The following MAP3K5 variants were observed in gnomAD, a reference collection of about 807,000 sequenced individuals.
MAP3K5 encodes the protein mitogen-activated protein kinase kinase kinase 5, also known as ASK-1.
In MAP3K5, 56 loss-of-function variants were observed where a neutral mutation model predicts 158.7. That is an observed-to-expected ratio of 0.35 (90% CI 0.28 to 0.44). The LOEUF (loss-of-function observed/expected upper bound fraction) is 0.44. Ranked by LOEUF, MAP3K5 falls within the 20% of genes least tolerant of loss-of-function variation. The pLI, the probability that MAP3K5 is intolerant of heterozygous loss-of-function variation, is 1.00. For missense variants in MAP3K5, 1,294 were observed against 1,674.8 expected (o/e 0.77, Z 3.97); for synonymous variants, 579 against 601.7 (o/e 0.96, Z 0.55).
At chr6:136,671,488 G>T (rs1779480857) in intron 7 of MAP3K5, among the ~76,000 whole-genome samples, 1 of 152,158 alleles carries the variant, frequency 6.6e-6, no homozygotes, top group Admixed American at 6.5e-5. Context: ...TATTACGAAA[G>T]AAATAAAATC....
chr6:136,696,905 A>G (rs1273965088), intron 5 of MAP3K5, among the ~76,000 whole-genome samples: 1 of 152,232 alleles, frequency 6.6e-6, no homozygotes, highest in African/African-American at 2.4e-5. Flanking sequence ...GCTTTCACTG[A>G]CAGGTGTGCC....
intron 11 of MAP3K5, among the ~76,000 whole-genome samples, chr6:136,646,355 C>T (rs906029635): frequency 6.6e-6 from 1 of 152,080 alleles, no homozygotes; most frequent in Non-Finnish European, 1.5e-5. Context: ...TATTTCTTAG[C>T]ATAATATAAA....
At chr6:136,784,169 T>C (rs763025788) in intron 1 of MAP3K5, among the ~76,000 whole-genome samples, 1 of 152,032 alleles carries the variant, frequency 6.6e-6, no homozygotes, top group Non-Finnish European at 1.5e-5. Context: ...TACCAACTGA[T>C]AATGTCTCAA....
chr6:136,584,358 G>A (rs897653736), intron 23 of MAP3K5: 4 of 152,958 alleles, frequency 2.6e-5, no homozygotes, highest in African/African-American at 7.2e-5. Flanking sequence ...ACACATACCC[G>A]AGACTGGGCA....
At chr6:136,690,013 T>C (rs957387091) in intron 7 of MAP3K5, among the ~76,000 whole-genome samples, 1 of 152,152 alleles carries the variant, frequency 6.6e-6, no homozygotes, top group African/African-American at 2.4e-5. Flanking sequence ...GGGAATGTGA[T>C]AGGTACATTC....
At chr6:136,622,237 C>A (rs867693615) in intron 15 of MAP3K5, among the ~76,000 whole-genome samples, 11 of 152,136 alleles carry the variant, frequency 7.2e-5, no homozygotes, top group Non-Finnish European at 1.2e-4. Flanking sequence ...TGACTGGGTC[C>A]CACTGGAGTT....
chr6:136,602,805 A>ATTGT (rs1775935288), intron 19 of MAP3K5, among the ~76,000 whole-genome samples: 1 of 152,208 alleles, frequency 6.6e-6, no homozygotes, highest in African/African-American at 2.4e-5. Flanking sequence ...TTGAACCTGA[A>ATTGT]TTGTTCGGAT....
chr6:136,785,307 C>T (rs889011494), intron 1 of MAP3K5, among the ~76,000 whole-genome samples: 1 of 152,230 alleles, frequency 6.6e-6, no homozygotes, highest in South Asian at 2.1e-4. Context: ...CGACTTTTGT[C>T]ACAAGCTCAA....
At chr6:136,577,613 C>A (rs1774676588) in intron 25 of MAP3K5, among the ~76,000 whole-genome samples, 2 of 152,212 alleles carry the variant, frequency 1.3e-5, no homozygotes, top group Admixed American at 6.5e-5. Context: ...AAGGACAGCT[C>A]CCTCTCTGCA....
At chr6:136,729,708 A>G (rs1782124116) in intron 1 of MAP3K5, among the ~76,000 whole-genome samples, 1 of 152,226 alleles carries the variant, frequency 6.6e-6, no homozygotes, top group African/African-American at 2.4e-5. Flanking sequence ...GAGAAGAGGT[A>G]TGTCAGGATC....
rs193143119 is a variant in MAP3K5 at position 136,668,305 on chromosome 6, G to A, written c.1366+978C>T. 4.5e-4 allele frequency among the ~76,000 whole-genome samples: 69 copies of A among 152,280 alleles called. 1 individual carries two copies. In the East Asian group the frequency reaches 0.012, roughly 27 times the overall value. On this transcript the variant is annotated intron_variant, in intron 8 of 29. Transcript: ENST00000359015. The stretch of plus-strand genomic sequence containing the variant: ...AGGCCAAAGTGGGAGGATCACTTGA[G>A]CTTAAGAATTCAAGGCTGCAGTGAG...
intron 18 of MAP3K5, 29 bp downstream of exon 18, chr6:136,611,253 A>G (rs751966601): frequency 1.8e-5 from 25 of 1,359,012 alleles, no homozygotes; most frequent in Non-Finnish European, 2.3e-5. Flanking sequence ...TAATTACATA[A>G]GATCTGTATC....
At chr6:136,562,181 CA>C (rs1324486079) in intron 27 of MAP3K5, among the ~76,000 whole-genome samples, 1 of 151,894 alleles carries the variant, frequency 6.6e-6, no homozygotes, top group East Asian at 1.9e-4. Flanking sequence ...TGCAAAATGA[CA>C]AAAAATAGTA....
Position 136,613,372 on chromosome 6 carries a change from G to T in MAP3K5, c.2279-116C>A. The T allele has an allele frequency of 1.2e-6, 1 of 812,718 alleles. No homozygotes were observed. Among genetic ancestry groups the T allele is most frequent in the Non-Finnish European group, 1.8e-6 (1 of 546,112 alleles). 50.3% of individuals were successfully genotyped at this position (812,718 alleles called of 1,614,324 possible). On this transcript the variant is annotated intron_variant, in intron 16 of 29. Coordinates refer to ENST00000359015, the MANE Select transcript of MAP3K5 (RefSeq NM_005923.4). The surrounding 1 kb of genome is among the most constrained non-coding windows in gnomAD (Gnocchi z 4.0). ...TCATTGGTTCTTCACAGTGGCCCAG[G>T]AGCTATACTGGATATCGGGCTCAAA...
At position 136,563,302 on chromosome 6, in the gene MAP3K5, T is replaced by A. The variant is rs80000040; in HGVS notation, c.3762-687A>T. Reference sequence around the variant, plus strand: ...GGATACAGATATTAACAGGCCTATATTTTACATGTATGGACCCCCATTAAA... The same window carrying A: ...GGATACAGATATTAACAGGCCTATAATTTACATGTATGGACCCCCATTAAA... On this transcript the variant is annotated intron_variant, in intron 26 of 29. Transcript: ENST00000359015. Among the ~76,000 whole-genome samples, 732 of 152,272 alleles carry A rather than the reference T, an allele frequency of 4.8e-3. 5 individuals carry two copies. The highest frequency in any genetic ancestry group is 0.04 in the East Asian group (210 of 5,188).
intron 8 of MAP3K5, among the ~76,000 whole-genome samples, chr6:136,661,779 A>T (rs1298903347): frequency 2.6e-5 from 4 of 152,142 alleles, no homozygotes; most frequent in Non-Finnish European, 5.9e-5. Context: ...GGGCTCAAGC[A>T]GTCCTCTCGC....
chr6:136,641,706 G>A (rs1777946863), intron 12 of MAP3K5, among the ~76,000 whole-genome samples: 2 of 151,176 alleles, frequency 1.3e-5, no homozygotes. Context: ...TTAGTGACAG[G>A]GGCCGGGCGG....
intron 2 of MAP3K5, among the ~76,000 whole-genome samples, chr6:136,712,831 A>T (rs1369428343): frequency 6.6e-6 from 1 of 152,186 alleles, no homozygotes; most frequent in African/African-American, 2.4e-5. Context: ...TGATGATTTT[A>T]TAAGGGGTTT....
chr6:136,615,034 T>C (rs986076696), intron 15 of MAP3K5, among the ~76,000 whole-genome samples: 1 of 152,228 alleles, frequency 6.6e-6, no homozygotes, highest in Admixed American at 6.5e-5. Context: ...AAAGTTATTT[T>C]ATATTTCTGG....
Sources: allele counts gnomAD v4.1 joint callset (sites outside exome capture counted in the v4.1 genomes callset), GRCh38; gene constraint gnomAD v4.1.1; non-coding constraint Gnocchi (gnomAD v3.1); transcripts MANE v1.5; gene names NCBI Gene and HGNC (gene_info 2026-07-23, HGNC 2026-07-21).